Variants in TENM3 observed in about 807,000 individuals in gnomAD.
TENM3 encodes teneurin transmembrane protein 3.
TENM3 carries 63 observed loss-of-function variants against 255.1 expected under a neutral mutation model. The ratio of observed to expected loss-of-function variants is 0.25; its 90% CI spans 0.20 to 0.30. The LOEUF (loss-of-function observed/expected upper bound fraction) is 0.30. Among genes scored for constraint, TENM3 ranks in the 10% least tolerant of loss-of-function variants. The pLI, the probability that TENM3 is intolerant of heterozygous loss-of-function variation, is 1.00. For missense variants in TENM3, 2,929 were observed against 3,461.1 expected, an observed-to-expected ratio of 0.85 and a Z score of 3.86; for synonymous variants, 1,306 against 1,322.3, an observed-to-expected ratio of 0.99 and a Z score of 0.27.
the TENM3 span, among the ~76,000 whole-genome samples, chr4:181,582,113 G>T: frequency 1.2e-4 from 19 of 152,152 alleles, no homozygotes; most frequent in Non-Finnish European, 2.8e-4. Flanking sequence ...TTTGCTTTCG[G>T]GATAAAGTTG....
intron 1 of TENM3, among the ~76,000 whole-genome samples, chr4:182,161,793 GTATATATATACACATATATA>G (rs1561153442): frequency 5.0e-4 from 20 of 39,968 alleles, no homozygotes; most frequent in African/African-American, 2.0e-3. Flanking sequence ...ACAAATATAT[GTATATATATACACATATATA>G]TGTATATATA....
chr4:182,761,425 AAAG>A (rs35440853), intron 22 of TENM3, among the ~76,000 whole-genome samples: 91,508 of 151,338 alleles, frequency 0.6, 27,991 homozygotes, highest in East Asian at 0.75. Context: ...ATCCCAAAAA[AAAG>A]AAGAAGAATT....
intron 13 of TENM3, among the ~76,000 whole-genome samples, chr4:182,717,510 A>C (rs1759301196): frequency 6.6e-6 from 1 of 152,200 alleles, no homozygotes; most frequent in Non-Finnish European, 1.5e-5. Flanking sequence ...CTATGAAATC[A>C]GTAAGGTATC....
the TENM3 span, among the ~76,000 whole-genome samples, chr4:181,698,528 C>G: frequency 6.6e-6 from 1 of 152,070 alleles, no homozygotes; most frequent in Non-Finnish European, 1.5e-5. Flanking sequence ...AATAGTAGCC[C>G]TCTTATTCAG....
At chr4:182,087,094 T>C in the TENM3 span, among the ~76,000 whole-genome samples, 1 of 152,206 alleles carries the variant, frequency 6.6e-6, no homozygotes, top group Admixed American at 6.5e-5. Flanking sequence ...GACACAGATC[T>C]GGGCACAAAC....
the TENM3 span, among the ~76,000 whole-genome samples, chr4:181,641,029 AG>A: frequency 6.6e-6 from 1 of 152,196 alleles, no homozygotes; most frequent in Non-Finnish European, 1.5e-5. Flanking sequence ...TAATCACACA[AG>A]GGACTATTTT....
the TENM3 span, among the ~76,000 whole-genome samples, chr4:181,904,872 TC>T: frequency 6.6e-6 from 1 of 152,040 alleles, no homozygotes; most frequent in African/African-American, 2.4e-5. Context: ...AGGGGGTGGG[TC>T]TTTTCCCATG....
intron 4 of TENM3, among the ~76,000 whole-genome samples, chr4:182,609,422 TAA>T (rs1459687251): frequency 6.6e-6 from 1 of 152,194 alleles, no homozygotes; most frequent in Non-Finnish European, 1.5e-5. Context: ...AAACCTGAGG[TAA>T]AGTCTGTTTT....
the TENM3 span, among the ~76,000 whole-genome samples, chr4:181,954,563 C>T: frequency 6.6e-6 from 1 of 152,072 alleles, no homozygotes; most frequent in African/African-American, 2.4e-5. Context: ...TTATTGTAAT[C>T]TTTATTTGCA....
intron 3 of TENM3, among the ~76,000 whole-genome samples, chr4:182,398,004 T>C (rs1444018537): frequency 6.6e-6 from 1 of 152,170 alleles, no homozygotes; most frequent in Non-Finnish European, 1.5e-5. Flanking sequence ...CGGATAAGTC[T>C]GGCATTTAAT....
the TENM3 span, among the ~76,000 whole-genome samples, chr4:182,110,130 A>AG: frequency 7.1e-6 from 1 of 140,734 alleles, no homozygotes; most frequent in South Asian, 2.3e-4. Flanking sequence ...AAAAAAAAAA[A>AG]TACATGAAAT....
the TENM3 span, among the ~76,000 whole-genome samples, chr4:182,109,332 C>T: frequency 6.7e-6 from 1 of 149,458 alleles, no homozygotes; most frequent in East Asian, 2.0e-4. Flanking sequence ...AGTGATTATA[C>T]CATATAATTT....
chr4:181,708,207 G>A, the TENM3 span, among the ~76,000 whole-genome samples: 1 of 152,106 alleles, frequency 6.6e-6, no homozygotes, highest in Non-Finnish European at 1.5e-5. Context: ...TGGGCTAATT[G>A]TTCTTAAGCC....
At chr4:181,678,193 A>G in the TENM3 span, among the ~76,000 whole-genome samples, 2 of 152,112 alleles carry the variant, frequency 1.3e-5, no homozygotes, top group Non-Finnish European at 2.9e-5. Context: ...AAAATCACTG[A>G]ACACCACAAA....
At chr4:182,044,212 C>A in the TENM3 span, among the ~76,000 whole-genome samples, 1 of 152,104 alleles carries the variant, frequency 6.6e-6, no homozygotes, top group Non-Finnish European at 1.5e-5. Context: ...GAACGACATG[C>A]TTTCTAACCT....
chr4:181,832,120 C>T, the TENM3 span, among the ~76,000 whole-genome samples: 1 of 151,870 alleles, frequency 6.6e-6, no homozygotes, highest in African/African-American at 2.4e-5. Context: ...GAGGAAATTA[C>T]TGAAGTGCAC....
intron 19 of TENM3, among the ~76,000 whole-genome samples, chr4:182,747,716 G>C (rs1762107511): frequency 6.6e-6 from 1 of 152,152 alleles, no homozygotes; most frequent in South Asian, 2.1e-4. Context: ...ATCAAAGAAA[G>C]TGTCAATCAT....
the TENM3 span, among the ~76,000 whole-genome samples, chr4:181,888,524 A>ATG: frequency 2.2e-5 from 2 of 91,596 alleles, no homozygotes; most frequent in African/African-American, 1.1e-4. Context: ...ATGTATATAT[A>ATG]TACATATATG....
the TENM3 span, chr4:181,980,510 C>T: frequency 6.6e-6 from 1 of 152,156 alleles, no homozygotes; most frequent in South Asian, 2.1e-4. Context: ...TCCATATATT[C>T]AACCTAATAC....
Sources: allele counts gnomAD v4.1 joint callset (sites outside exome capture counted in the v4.1 genomes callset), GRCh38; gene constraint gnomAD v4.1.1; transcripts MANE v1.5; gene names NCBI Gene and HGNC (gene_info 2026-07-23, HGNC 2026-07-21).